The following NXPH2 variants were observed in gnomAD, a reference collection of about 807,000 sequenced individuals.
NXPH2 encodes the protein neurexophilin-2.
NXPH2 carries 5 observed loss-of-function variants against 19.8 expected under a neutral mutation model. The observed-to-expected ratio is 0.25, with a 90% CI of 0.13 to 0.53. The LOEUF (loss-of-function observed/expected upper bound fraction) is 0.53. NXPH2 is among the 20% of genes least tolerant of loss of function. The probability of loss-of-function intolerance (pLI) is 0.96; values close to 1 mark genes in which losing one functional copy is unlikely to be tolerated. For synonymous variants in NXPH2, 154 were observed against 127.4 expected (o/e 1.21, Z -1.41); for missense variants, 289 against 322.8 (o/e 0.90, Z 0.80).
rs1442294810 is a variant in NXPH2, at chr2:138,671,634, G to T, written c.83C>A (p.Ala28Asp). Reference sequence around the variant, plus strand: ...GTCTTCCCAATCCAGCCCCTCCGTGGCATGCACCACTTCCTTACTGTCACA... The same window carrying T: ...GTCTTCCCAATCCAGCCCCTCCGTGTCATGCACCACTTCCTTACTGTCACA... ...LFCDSKEVVH[A>D]TEGLDWEDKD... is the part of the protein sequence containing the mutation. Residue 28 changes from alanine to aspartate, a missense_variant, in exon 2 of 2, where the codon GCC becomes GAC. Transcript: ENST00000272641. The T allele has an allele frequency of 6.3e-7, 1 of 1,589,962 alleles. No individual in the cohort carries two copies. The highest frequency in any genetic ancestry group is 1.2e-5 in the South Asian group (1 of 86,590).
chr2:138,747,415 C>T (rs559279924), intron 1 of NXPH2, among the ~76,000 whole-genome samples: 1 of 152,266 alleles, frequency 6.6e-6, no homozygotes, highest in South Asian at 2.1e-4. Flanking sequence ...GGATGGAGCA[C>T]TGAAGGTCCA....
chr2:138,744,890 C>T (rs190110747), intron 1 of NXPH2, among the ~76,000 whole-genome samples: 25 of 152,192 alleles, frequency 1.6e-4, no homozygotes, highest in African/African-American at 5.8e-4. Context: ...TGCCCACATG[C>T]TGTGGAAAAT....
chr2:138,763,069 G>T (rs980983952), intron 1 of NXPH2, among the ~76,000 whole-genome samples: 2 of 152,026 alleles, frequency 1.3e-5, no homozygotes, highest in African/African-American at 4.8e-5. Context: ...CTTTAATTAA[G>T]ACTAAAATAA....
intron 1 of NXPH2, among the ~76,000 whole-genome samples, chr2:138,742,328 C>T (rs1558927060): frequency 6.6e-6 from 1 of 151,814 alleles, no homozygotes; most frequent in African/African-American, 2.4e-5. Flanking sequence ...ACTGAGGAAT[C>T]CTGGAATAAA....
intron 1 of NXPH2, among the ~76,000 whole-genome samples, chr2:138,693,644 T>C (rs1680776470): frequency 6.6e-6 from 1 of 152,100 alleles, no homozygotes; most frequent in South Asian, 2.1e-4. Flanking sequence ...GAGAGCTGTA[T>C]TGGTGTACCA....
In NXPH2 at chr2:138,719,006, T is replaced by A. The variant is rs1681236668; in HGVS notation, c.52-47341A>T. On this transcript the variant is annotated intron_variant, in intron 1 of 1. Coordinates refer to ENST00000272641, the MANE Select transcript of NXPH2 (RefSeq NM_007226.3). ...GAAAATGTAATGTAAATTGTAATGATAACCCTAGAAAAATTACAACACAAA... is the reference window on the plus strand; with the variant it reads ...GAAAATGTAATGTAAATTGTAATGAAAACCCTAGAAAAATTACAACACAAA... 2.6e-5 allele frequency among the ~76,000 whole-genome samples: 4 copies of A among 152,162 alleles called. 1 individual carries two copies. The South Asian group carries it at 8.3e-4, about 32-fold the overall frequency.
chr2:138,678,134 T>G (rs1004472722), intron 1 of NXPH2, among the ~76,000 whole-genome samples: 1 of 152,260 alleles, frequency 6.6e-6, no homozygotes, highest in Non-Finnish European at 1.5e-5. Context: ...TTTCTCTGAC[T>G]TTCCTTGTTT....
chr2:138,737,244 AGAG>A (rs1296230756), intron 1 of NXPH2, among the ~76,000 whole-genome samples: 1 of 152,160 alleles, frequency 6.6e-6, no homozygotes, highest in Non-Finnish European at 1.5e-5. Flanking sequence ...GGAAAGAAAA[AGAG>A]GTTTAATAGA....
At chr2:138,777,375 T>C (rs1049373540) in intron 1 of NXPH2, among the ~76,000 whole-genome samples, 1 of 152,082 alleles carries the variant, frequency 6.6e-6, no homozygotes, top group Non-Finnish European at 1.5e-5. Flanking sequence ...ATCTTGCAAA[T>C]AGTAATCCCA....
intron 1 of NXPH2, among the ~76,000 whole-genome samples, chr2:138,765,269 C>T (rs1682073378): frequency 6.6e-6 from 1 of 152,164 alleles, no homozygotes. Context: ...GTTCATTCTC[C>T]ATATATATAA....
chr2:138,780,167 A>ACGGCGCGCGGGC, intron 1 of NXPH2, 24 bp downstream of exon 1: 3 of 1,475,720 alleles, frequency 2.0e-6, no homozygotes, highest in Middle Eastern at 3.5e-4. Flanking sequence ...GGCGTGTGGG[A>ACGGCGCGCGGGC]CGGCGCGCGG....
chr2:138,672,338 A>G (rs1410320971), intron 1 of NXPH2, among the ~76,000 whole-genome samples: 2 of 152,342 alleles, frequency 1.3e-5, no homozygotes, highest in East Asian at 1.9e-4. Flanking sequence ...TATATGAGTT[A>G]ATAAATTTTA....
Position 138,705,885 on chromosome 2 carries a change from CA to C in NXPH2, c.52-34221del, listed in dbSNP as rs753355042. Among the ~76,000 whole-genome samples the C allele has an allele frequency of 8.5e-5, 13 of 152,270 alleles. No individual in the cohort carries two copies. In the East Asian group the frequency reaches 2.5e-3, roughly 29 times the overall value. On this transcript the variant is annotated intron_variant, in intron 1 of 1. Transcript: ENST00000272641. ...GGACCAAATGCCTCCACTTTTTAATCAAAAACCATTCTTCAATTCTCATAAC... is the reference window on the plus strand; with the variant it reads ...GGACCAAATGCCTCCACTTTTTAATCAAAACCATTCTTCAATTCTCATAAC...
At chr2:138,765,069 G>C (rs1380777147) in intron 1 of NXPH2, among the ~76,000 whole-genome samples, 1 of 152,176 alleles carries the variant, frequency 6.6e-6, no homozygotes. Context: ...AGCATAATTA[G>C]GTCTATAACT....
Position 138,674,108 on chromosome 2 carries a change from G to A in NXPH2, c.52-2443C>T, listed in dbSNP as rs140884599. On this transcript the variant is annotated intron_variant, in intron 1 of 1. Coordinates refer to ENST00000272641, the MANE Select transcript of NXPH2 (RefSeq NM_007226.3). ...TTCTCCCTCCTCAGCCTCCAGAATA[G>A]CTAGGAATACAGGTGCACACTACCA... Among the ~76,000 whole-genome samples the A allele has an allele frequency of 2.2e-4, 34 of 151,928 alleles. 1 individual carries two copies. The East Asian group carries it at 6.2e-3, about 28-fold the overall frequency.
intron 1 of NXPH2, among the ~76,000 whole-genome samples, chr2:138,719,547 A>T (rs1681244265): frequency 6.6e-6 from 1 of 152,202 alleles, no homozygotes; most frequent in South Asian, 2.1e-4. Context: ...CAAGTATATG[A>T]ATGTATAGTG....
chr2:138,689,162 T>C (rs949714958), intron 1 of NXPH2, among the ~76,000 whole-genome samples: 3 of 152,168 alleles, frequency 2.0e-5, no homozygotes, highest in African/African-American at 7.2e-5. Flanking sequence ...GTTTCTAAAT[T>C]ATTGGGGATC....
At chr2:138,693,719 A>C (rs1680779882) in intron 1 of NXPH2, among the ~76,000 whole-genome samples, 1 of 152,114 alleles carries the variant, frequency 6.6e-6, no homozygotes, top group Non-Finnish European at 1.5e-5. Context: ...GAGTATAGAG[A>C]CAGTAGGTAG....
chr2:138,695,914 T>C (rs2104978972), intron 1 of NXPH2, among the ~76,000 whole-genome samples: 1 of 152,044 alleles, frequency 6.6e-6, no homozygotes, highest in South Asian at 2.1e-4. Context: ...TGTGAGAAGG[T>C]GAGGTGGGAG....
Sources: allele counts gnomAD v4.1 joint callset (sites outside exome capture counted in the v4.1 genomes callset), GRCh38; gene constraint gnomAD v4.1.1; transcripts MANE v1.5; gene names NCBI Gene and HGNC (gene_info 2026-07-23, HGNC 2026-07-21).